TUBGCP2: variants seen among roughly 807,000 people sequenced by gnomAD.
TUBGCP2 encodes the protein gamma-tubulin complex component 2.
In TUBGCP2, 55 loss-of-function variants were observed where a neutral mutation model predicts 92.2. The ratio of observed to expected loss-of-function variants is 0.60; its 90% CI spans 0.48 to 0.75. The LOEUF (loss-of-function observed/expected upper bound fraction) is 0.75. Among genes scored for constraint, TUBGCP2 ranks in the 30% least tolerant of loss-of-function variants. TUBGCP2 has a pLI of 0.00. For missense variants in TUBGCP2, 1,093 were observed against 1,188.9 expected (o/e 0.92, Z 1.19); for synonymous variants, 533 against 505.2 (o/e 1.06, Z -0.74).
At chr10:133,293,948 G>A (rs911013174) in intron 5 of TUBGCP2, among the ~76,000 whole-genome samples, 179 bp from the exon 6 acceptor site, 13 of 152,226 alleles carry the variant, frequency 8.5e-5, no homozygotes, top group African/African-American at 2.2e-4. Context: ...AGTTCCAACC[G>A]CCGCAGGACG....
chr10:133,298,657 C>T (rs1311613171), intron 4 of TUBGCP2, among the ~76,000 whole-genome samples: 2 of 152,276 alleles, frequency 1.3e-5, no homozygotes, highest in African/African-American at 4.8e-5. Context: ...TGGGCTGGCC[C>T]AGCTTTCGGA....
Position 133,300,047 on chromosome 10 carries a change from T to C in TUBGCP2, c.217A>G (p.Lys73Glu). 1 of 1,614,216 alleles carries C rather than the reference T, an allele frequency of 6.2e-7. No homozygotes were observed. The highest frequency in any genetic ancestry group is 8.5e-7 in the Non-Finnish European group (1 of 1,180,034). The change falls in exon 3 of 18, where the codon AAA becomes GAA. Residue 73 changes from lysine (K) to glutamate (E), a missense_variant. Lys to Glu is a moderately conservative substitution (Grantham distance 56). Transcript: ENST00000252936. ...FLKKYDELKS[K>E]NTRNLDPLVY... ...AGCGGGTCAAGGTTCCTTGTATTTT[T>C]AGATTTCAGTTCATCATATTTCTTT...
intron 5 of TUBGCP2, among the ~76,000 whole-genome samples, chr10:133,296,753 G>A (rs940246128): frequency 2.0e-5 from 3 of 152,216 alleles, no homozygotes; most frequent in Non-Finnish European, 4.4e-5. Context: ...TGGGATTACA[G>A]GTGTGAGCCA....
chr10:133,306,969 C>T (rs577526885), intron 1 of TUBGCP2, among the ~76,000 whole-genome samples: 2 of 152,226 alleles, frequency 1.3e-5, no homozygotes, highest in South Asian at 2.1e-4. Flanking sequence ...TCCCTCCCCC[C>T]AGAAGACCTT....
upstream of TUBGCP2, chr10:133,309,028 G>C (rs1847914104): frequency 2.4e-6 from 3 of 1,263,486 alleles, no homozygotes; most frequent in South Asian, 6.9e-5. Context: ...GGATCCCGCG[G>C]CTGGGGCCGC....
At chr10:133,309,790 CCTGCCAGGTGGCCGGCTG>C, upstream of TUBGCP2, 1 of 1,613,154 alleles carries the variant, frequency 6.2e-7, no homozygotes, top group Non-Finnish European at 8.5e-7. Flanking sequence ...CCCGCGTTTG[CCTGCCAGGTGGCCGGCTG>C]CTGCCAGGTG....
chr10:133,290,151 G>A, intron 8 of TUBGCP2, 182 bp from the exon 9 acceptor site: 1 of 838,504 alleles, frequency 1.2e-6, no homozygotes, highest in Non-Finnish European at 1.8e-6. Flanking sequence ...AACGAACCTA[G>A]GGGCCGGGCA....
Position 133,283,983 on chromosome 10 carries a change from G to A in TUBGCP2, c.2044C>T (p.Leu682=). The A allele has an allele frequency of 6.2e-7, 1 of 1,613,938 alleles. No homozygotes were observed. The highest frequency in any genetic ancestry group is 2.2e-5 in the East Asian group (1 of 44,888). Residue 682 remains leucine, a synonymous_variant, in exon 14 of 18, where the codon CTG becomes TTG. Transcript: ENST00000252936. The part of the protein sequence containing the change: ...SAQWFAGAFT[L]RQRMLNFVQN... ...ACGAAGTTGAGCATTCGCTGCCGCAGAGTGAAAGCCCCAGCAAACCTGAGT... is the reference window on the plus strand; with the variant it reads ...ACGAAGTTGAGCATTCGCTGCCGCAAAGTGAAAGCCCCAGCAAACCTGAGT...
At chr10:133,309,498 C>G (rs749497111), upstream of TUBGCP2, 13 of 1,595,128 alleles carry the variant, frequency 8.1e-6, no homozygotes, top group Non-Finnish European at 1.0e-5. Flanking sequence ...CAGTGCTACT[C>G]CTGCGCCGCC....
intron 5 of TUBGCP2, chr10:133,295,385 T>A (rs1447307267): frequency 6.6e-6 from 1 of 152,348 alleles, no homozygotes; most frequent in Non-Finnish European, 1.5e-5. Flanking sequence ...AGGTCGAGGC[T>A]GCAGTGAGCT....
chr10:133,281,153 G>A, intron 17 of TUBGCP2, 120 bp downstream of exon 17: 1 of 567,236 alleles, frequency 1.8e-6, no homozygotes, highest in Admixed American at 2.9e-5. Flanking sequence ...GGCCAGGGCG[G>A]TGTTGGGCAG....
upstream of TUBGCP2, chr10:133,308,906 C>T: frequency 8.3e-7 from 1 of 1,207,836 alleles, no homozygotes; most frequent in Non-Finnish European, 1.0e-6. Context: ...GGCTCGCGGA[C>T]GGTGGCCGAC....
chr10:133,296,233 A>T (rs2995331), intron 5 of TUBGCP2, among the ~76,000 whole-genome samples: 1 of 152,118 alleles, frequency 6.6e-6, no homozygotes, highest in Non-Finnish European at 1.5e-5. Context: ...ATGGGGGGAA[A>T]GCCTGAACAC....
chr10:133,309,701 A>C, upstream of TUBGCP2: 4 of 1,554,880 alleles, frequency 2.6e-6, no homozygotes, highest in Non-Finnish European at 3.5e-6. Context: ...GACGTCTCAA[A>C]GGGAAACTGT....
At chr10:133,289,121 G>T in intron 9 of TUBGCP2, 101 bp from the exon 10 acceptor site, 1 of 1,331,610 alleles carries the variant, frequency 7.5e-7, no homozygotes, top group Non-Finnish European at 1.0e-6. Flanking sequence ...CATTGAATGG[G>T]CTCTCCACAC....
At chr10:133,310,374 T>C, upstream of TUBGCP2, 1 of 1,549,632 alleles carries the variant, frequency 6.5e-7, no homozygotes. Context: ...ACGGTCAGAC[T>C]TATTAAGCAC....
At chr10:133,286,131 G>A (rs1159932566) in intron 11 of TUBGCP2, among the ~76,000 whole-genome samples, 2 of 152,070 alleles carry the variant, frequency 1.3e-5, no homozygotes, top group Non-Finnish European at 2.9e-5. Context: ...TGAAGGGCAG[G>A]GGATAAAGCA....
Position 133,281,296 on chromosome 10 carries a change from G to T in TUBGCP2, c.2550C>A (p.His850Gln). 6.2e-7 allele frequency: 1 copy of T among 1,612,296 alleles called. No homozygotes were observed. Reference protein sequence around the residue: ...LSIYSTSDCEHGMASVISRLD... With the variant: ...LSIYSTSDCEQGMASVISRLD... ...ACCTGGAGATGACGCTGGCCATGCC[G>T]TGCTCACAGTCACTGGTGCTATAGA... Residue 850 changes from histidine (H) to glutamine (Q), a missense_variant, in exon 17 of 18, where the codon CAC becomes CAA. Coordinates refer to ENST00000252936, the MANE Select transcript of TUBGCP2 (RefSeq NM_006659.4).
chr10:133,283,912 G>C lies in TUBGCP2; in HGVS notation c.2115C>G (p.Thr705=), dbSNP rs752879300. 1.2e-6 allele frequency: 2 copies of C among 1,614,020 alleles called. No homozygotes were observed. The highest frequency in any genetic ancestry group is 1.6e-4 in the Middle Eastern group (1 of 6,084). The change falls in exon 14 of 18, where the codon ACC becomes ACG. Residue 705 remains threonine, a synonymous_variant. Transcript: ENST00000252936. ...TCAGGTTTTTCTCCAGGATGTGCCA[G>C]GTCGGTTCCATCACTTCAAACATCA... ...YYMMFEVMEP[T]WHILEKNLKS...
Sources: allele counts gnomAD v4.1 joint callset (sites outside exome capture counted in the v4.1 genomes callset), GRCh38; gene constraint gnomAD v4.1.1; transcripts MANE v1.5; gene names NCBI Gene and HGNC (gene_info 2026-07-23, HGNC 2026-07-21).